The following TLN2 variants were observed in gnomAD, a reference collection of about 807,000 sequenced individuals.
TLN2 encodes talin 2.
A neutral mutation model predicts 294.7 loss-of-function variants in TLN2; 118 were observed. The ratio of observed to expected loss-of-function variants is 0.40; its 90% CI spans 0.34 to 0.47. The LOEUF is 0.47. TLN2 is among the 20% of genes least tolerant of loss of function. TLN2 has a pLI of 0.84. For synonymous variants in TLN2, 1,431 were observed against 1,304.5 expected, an observed-to-expected ratio of 1.10 and a Z score of -2.09; for missense variants, 3,083 against 3,282.2, an observed-to-expected ratio of 0.94 and a Z score of 1.48.
intron 1 of TLN2, among the ~76,000 whole-genome samples, chr15:62,403,297 A>T (rs966170894): frequency 6.6e-6 from 1 of 152,090 alleles, no homozygotes; most frequent in African/African-American, 2.4e-5. Context: ...CTGTTCTTCC[A>T]TTCCTCTACA....
chr15:62,694,708 A>G (rs1386624416), intron 14 of TLN2, among the ~76,000 whole-genome samples: 1 of 152,144 alleles, frequency 6.6e-6, no homozygotes, highest in African/African-American at 2.4e-5. Flanking sequence ...ATGATCATTG[A>G]GCCGTACCGT....
At chr15:62,510,601 A>G (rs552172166) in intron 1 of TLN2, among the ~76,000 whole-genome samples, 3 of 152,346 alleles carry the variant, frequency 2.0e-5, no homozygotes, top group East Asian at 3.9e-4. Flanking sequence ...GGGAGCCCCT[A>G]TGGAGCCTCT....
intron 1 of TLN2, among the ~76,000 whole-genome samples, chr15:62,409,142 G>A (rs563272785): frequency 6.7e-6 from 1 of 150,198 alleles, no homozygotes; most frequent in African/African-American, 2.5e-5. Context: ...ATGACTGACT[G>A]TTGGGGATTT....
chr15:62,819,457 C>A (rs2067379311), intron 52 of TLN2, 59 bp from the exon 53 acceptor site: 8 of 1,426,016 alleles, frequency 5.6e-6, no homozygotes, highest in Non-Finnish European at 7.9e-6. Flanking sequence ...GAGTGTGCTT[C>A]TTTCCTGTCC....
Position 62,647,351 on chromosome 15 carries a change from A to G in TLN2, c.41A>G (p.Asn14Ser), listed in dbSNP as rs2052001567. The G allele has an allele frequency of 1.9e-6, 3 of 1,614,100 alleles. No homozygotes were observed. The African/African-American group carries it at 4.0e-5, about 22-fold the overall frequency. The change falls in exon 4 of 59, where the codon AAC (asparagine) becomes AGC (serine). Residue 14 changes from asparagine (N) to serine (S), a missense_variant. Physicochemically the swap from Asn to Ser is conservative, Grantham distance 46. Transcript: ENST00000636159. ...TTAAAGATTTGTGTGCGCCACTGCA[A>G]CGTGGTGAAGACCATGCAGTTTGAA... ...LSLKICVRHC[N>S]VVKTMQFEPS... is the part of the protein sequence containing the mutation.
chr15:62,676,240 G>C (rs1453312866), intron 11 of TLN2, among the ~76,000 whole-genome samples: 4 of 152,184 alleles, frequency 2.6e-5, no homozygotes, highest in Non-Finnish European at 5.9e-5. Flanking sequence ...ATCGGAGCAA[G>C]CTGCCTCATT....
chr15:62,669,144 TC>T (rs1478707776), intron 9 of TLN2, among the ~76,000 whole-genome samples: 2 of 152,218 alleles, frequency 1.3e-5, no homozygotes, highest in African/African-American at 4.8e-5. Context: ...ATGATTTTTT[TC>T]CTTTTCAGTA....
chr15:62,520,915 T>G (rs2040425898), intron 1 of TLN2, among the ~76,000 whole-genome samples: 1 of 152,242 alleles, frequency 6.6e-6, no homozygotes, highest in Non-Finnish European at 1.5e-5. Flanking sequence ...GTTTAACTCC[T>G]TACATACTTA....
In TLN2 at chr15:62,671,210, T is replaced by G. The variant is rs544291313; in HGVS notation, c.789-2617T>G. ...TTTCCTCATACATAATTTGCCAATA[T>G]TTTCCCCCATTCTATGGATTGTATT... is the stretch of plus-strand genomic sequence containing the variant. On this transcript the variant is annotated intron_variant, in intron 9 of 58. Coordinates refer to ENST00000636159, the MANE Select transcript of TLN2 (RefSeq NM_015059.3). Among the ~76,000 whole-genome samples, 59 of 152,340 alleles carry G rather than the reference T, an allele frequency of 3.9e-4. 1 individual carries two copies. Among genetic ancestry groups the G allele is most frequent in the Non-Finnish European group, 6.9e-4 (47 of 68,032 alleles).
At chr15:62,649,910 C>T (rs1002023484) in intron 4 of TLN2, 174 bp from the exon 5 acceptor site, 5 of 580,408 alleles carry the variant, frequency 8.6e-6, no homozygotes, top group Non-Finnish European at 1.5e-5. Context: ...TCAACTCTTA[C>T]TCCTCCAGAT....
At chr15:62,419,786 C>T (rs536180550) in intron 1 of TLN2, among the ~76,000 whole-genome samples, 1 of 151,908 alleles carries the variant, frequency 6.6e-6, no homozygotes, top group Non-Finnish European at 1.5e-5. Flanking sequence ...ACAGGTGCAC[C>T]CCACCAGACC....
intron 1 of TLN2, among the ~76,000 whole-genome samples, chr15:62,541,388 T>A (rs760710855): frequency 3.9e-5 from 6 of 152,236 alleles, no homozygotes; most frequent in Non-Finnish European, 7.3e-5. Context: ...CTCGACTTTC[T>A]TGGCCTATTC....
At chr15:62,781,654 T>TAGAAC (rs376055452) in intron 44 of TLN2, among the ~76,000 whole-genome samples, 29 of 151,898 alleles carry the variant, frequency 1.9e-4, no homozygotes, top group African/African-American at 7.0e-4. Context: ...GGGGATAAAA[T>TAGAAC]AGAGATGAGA....
chr15:62,769,531 T>C (rs543599202), intron 41 of TLN2, among the ~76,000 whole-genome samples: 1 of 152,374 alleles, frequency 6.6e-6, no homozygotes, highest in Admixed American at 6.5e-5. Flanking sequence ...CTCTGTAAGA[T>C]AACCATAGAG....
At chr15:62,824,687 A>G (rs2067879200) in intron 54 of TLN2, among the ~76,000 whole-genome samples, 2 of 150,962 alleles carry the variant, frequency 1.3e-5, no homozygotes, top group Admixed American at 6.6e-5. Flanking sequence ...TAAGCCAACA[A>G]TCGGAAAGTA....
intron 37 of TLN2, among the ~76,000 whole-genome samples, chr15:62,760,884 A>T (rs186220679): frequency 6.6e-6 from 1 of 152,292 alleles, no homozygotes; most frequent in Admixed American, 6.5e-5. Context: ...TCTCAAGTGG[A>T]ACACCCCTTG....
chr15:62,424,616 T>C (rs1191089455), intron 1 of TLN2, among the ~76,000 whole-genome samples: 1 of 152,174 alleles, frequency 6.6e-6, no homozygotes, highest in African/African-American at 2.4e-5. Context: ...AAGTTGAACC[T>C]GAAACTGCCG....
intron 54 of TLN2, chr15:62,830,010 T>C (rs1394800452): frequency 1.3e-5 from 2 of 152,212 alleles, no homozygotes; most frequent in Non-Finnish European, 2.9e-5. Flanking sequence ...ATTTATCCTG[T>C]TTAATGAAAT....
At chr15:62,416,594 G>T (rs1321331974) in intron 1 of TLN2, among the ~76,000 whole-genome samples, 2 of 152,212 alleles carry the variant, frequency 1.3e-5, no homozygotes, top group Non-Finnish European at 2.9e-5. Context: ...TCAGGTGACA[G>T]CTGAAGTTAG....
Sources: gnomAD v4.1 joint callset for allele counts (sites outside exome capture counted in the v4.1 genomes callset) on GRCh38, gnomAD v4.1.1 for gene constraint, MANE v1.5 for transcripts, NCBI Gene and HGNC (gene_info 2026-07-23, HGNC 2026-07-21) for gene names.